Variants in PCDH9 observed in about 807,000 individuals in gnomAD.
PCDH9 encodes protocadherin-9.
Under a neutral mutation model 70.6 loss-of-function variants are expected in PCDH9, and 24 were observed. That is an observed-to-expected ratio of 0.34 (90% CI 0.25 to 0.48). The LOEUF (loss-of-function observed/expected upper bound fraction) is 0.48. Ranked by LOEUF, PCDH9 falls within the 20% of genes least tolerant of loss-of-function variation. The pLI, the probability that PCDH9 is intolerant of heterozygous loss-of-function variation, is 0.99. For synonymous variants in PCDH9, 562 were observed against 558.5 expected (o/e 1.01, Z -0.09); for missense variants, 1,281 against 1,503.6 (o/e 0.85, Z 2.45).
At chr13:66,621,663 T>G (rs568549094) in intron 4 of PCDH9, among the ~76,000 whole-genome samples, 1 of 152,300 alleles carries the variant, frequency 6.6e-6, no homozygotes, top group South Asian at 2.1e-4. Context: ...GGTCCTAAGA[T>G]CTAAATTTTT....
chr13:66,866,573 G>A lies in PCDH9; in HGVS notation c.3138+36931C>T, dbSNP rs552041820. On this transcript the variant is annotated intron_variant, in intron 3 of 4. Coordinates refer to ENST00000377865, the MANE Select transcript of PCDH9 (RefSeq NM_203487.3). ...AGCACTTTGGGAGGCTGAGGTAGGC[G>A]GATCACTGAGATCAGGAGTTCCAGA... 4.6e-5 allele frequency among the ~76,000 whole-genome samples: 7 copies of A among 151,992 alleles called. No individual in the cohort carries two copies. In the East Asian group the frequency reaches 1.2e-3, roughly 25 times the overall value.
chr13:66,460,337 C>A (rs1439661888), intron 4 of PCDH9, among the ~76,000 whole-genome samples: 1 of 151,762 alleles, frequency 6.6e-6, no homozygotes, highest in African/African-American at 2.4e-5. Context: ...GCTTTATCAG[C>A]CAGAAGTAAC....
At chr13:66,373,960 T>G (rs559876893) in intron 4 of PCDH9, among the ~76,000 whole-genome samples, 1 of 152,236 alleles carries the variant, frequency 6.6e-6, no homozygotes, top group South Asian at 2.1e-4. Context: ...ATACATTTAT[T>G]AGTGTTTTGC....
At chr13:66,646,517 A>G (rs1376717934) in intron 3 of PCDH9, among the ~76,000 whole-genome samples, 2 of 152,220 alleles carry the variant, frequency 1.3e-5, no homozygotes, top group Admixed American at 1.3e-4. Context: ...AACCATGTAC[A>G]TAATCAGAAA....
chr13:66,877,242 C>CA (rs1480709289), intron 3 of PCDH9, among the ~76,000 whole-genome samples: 3 of 148,810 alleles, frequency 2.0e-5, no homozygotes, highest in African/African-American at 7.7e-5. Context: ...AATTCATAGT[C>CA]AAAACTAAAA....
chr13:67,004,552 CAAAA>C (rs34776193), intron 2 of PCDH9, among the ~76,000 whole-genome samples: 1 of 124,028 alleles, frequency 8.1e-6, no homozygotes. Flanking sequence ...GACTCCGTCT[CAAAA>C]AAAAAAAAAA....
intron 4 of PCDH9, among the ~76,000 whole-genome samples, chr13:66,354,571 A>T (rs1017040427): frequency 7.2e-5 from 11 of 152,298 alleles, no homozygotes; most frequent in African/African-American, 2.6e-4. Context: ...TAATAGTAGA[A>T]AGCGGCACTT....
intron 2 of PCDH9, among the ~76,000 whole-genome samples, chr13:66,963,679 G>T (rs912000264): frequency 1.3e-5 from 2 of 152,050 alleles, no homozygotes; most frequent in African/African-American, 4.8e-5. Context: ...AAACACATGG[G>T]TTAAGCAAAA....
chr13:66,994,557 AT>A lies in PCDH9; in HGVS notation c.3037-90953del, dbSNP rs34665042. ...AATTAAGATGTGATAACTGATAAGA[AT>A]TCTTTCATTCTAAATCATAATATTA... On this transcript the variant is annotated intron_variant, in intron 2 of 4. Coordinates refer to ENST00000377865, the MANE Select transcript of PCDH9 (RefSeq NM_203487.3). Among the ~76,000 whole-genome samples, 1,404 of 152,306 alleles carry A rather than the reference AT, an allele frequency of 9.2e-3. 14 individuals are homozygous for A. Among genetic ancestry groups the A allele is most frequent in the Middle Eastern group, 0.017 (5 of 294 alleles).
intron 2 of PCDH9, among the ~76,000 whole-genome samples, chr13:67,009,216 C>T (rs2084409122): frequency 6.6e-6 from 1 of 152,092 alleles, no homozygotes; most frequent in East Asian, 1.9e-4. Flanking sequence ...TTTGCCTTCC[C>T]AACAAGCTTG....
intron 4 of PCDH9, among the ~76,000 whole-genome samples, chr13:66,519,987 T>G (rs1005438359): frequency 6.6e-6 from 1 of 152,144 alleles, no homozygotes; most frequent in African/African-American, 2.4e-5. Flanking sequence ...GATAGTTCTT[T>G]TCTGCCAAAG....
At chr13:67,144,919 CT>C (rs1479537589) in intron 2 of PCDH9, among the ~76,000 whole-genome samples, 1 of 152,114 alleles carries the variant, frequency 6.6e-6, no homozygotes, top group Non-Finnish European at 1.5e-5. Context: ...TAAATCCCAC[CT>C]GTCACTTTAA....
intron 3 of PCDH9, among the ~76,000 whole-genome samples, chr13:66,790,551 T>G (rs1258501173): frequency 1.3e-5 from 2 of 152,126 alleles, no homozygotes; most frequent in Non-Finnish European, 2.9e-5. Flanking sequence ...TTTTGCATTA[T>G]ATATTTGGTT....
intron 3 of PCDH9, among the ~76,000 whole-genome samples, chr13:66,760,423 A>G (rs2079605978): frequency 6.6e-6 from 1 of 152,180 alleles, no homozygotes; most frequent in African/African-American, 2.4e-5. Flanking sequence ...TGGCAGAAGA[A>G]CATAAACTGT....
At chr13:66,756,153 G>T (rs1291678535) in intron 3 of PCDH9, among the ~76,000 whole-genome samples, 3 of 152,136 alleles carry the variant, frequency 2.0e-5, no homozygotes, top group Non-Finnish European at 4.4e-5. Flanking sequence ...TACCTATTGT[G>T]AGCAAAGCAG....
At chr13:66,664,176 T>C (rs964848916) in intron 3 of PCDH9, among the ~76,000 whole-genome samples, 1 of 152,242 alleles carries the variant, frequency 6.6e-6, no homozygotes, top group Non-Finnish European at 1.5e-5. Flanking sequence ...CCAAGATTTA[T>C]TTTATTGAAA....
intron 2 of PCDH9, among the ~76,000 whole-genome samples, chr13:66,943,434 T>G (rs893636210): frequency 6.6e-6 from 1 of 152,078 alleles, no homozygotes; most frequent in Non-Finnish European, 1.5e-5. Flanking sequence ...GTGGAAATCA[T>G]AGAGTACTGA....
At chr13:66,615,512 T>C (rs1195754450) in intron 4 of PCDH9, among the ~76,000 whole-genome samples, 1 of 152,242 alleles carries the variant, frequency 6.6e-6, no homozygotes, top group African/African-American at 2.4e-5. Context: ...TCATAGACAA[T>C]TGTCATCTTG....
intron 4 of PCDH9, among the ~76,000 whole-genome samples, chr13:66,384,536 G>GT (rs1408158478): frequency 6.6e-6 from 1 of 152,156 alleles, no homozygotes; most frequent in Non-Finnish European, 1.5e-5. Context: ...TATGTGTGGA[G>GT]TAAGAGCACC....
Sources: gnomAD v4.1 joint callset for allele counts (sites outside exome capture counted in the v4.1 genomes callset) on GRCh38, gnomAD v4.1.1 for gene constraint, MANE v1.5 for transcripts, NCBI Gene and HGNC (gene_info 2026-07-23, HGNC 2026-07-21) for gene names.